The following CRACDL variants were observed in gnomAD, a reference collection of about 807,000 sequenced individuals.
CRACDL encodes CRACD like.
A neutral mutation model predicts 70.6 loss-of-function variants in CRACDL; 26 were observed. The observed-to-expected ratio is 0.37, with a 90% CI of 0.27 to 0.51. The LOEUF is 0.51. CRACDL is among the 20% of genes least tolerant of loss of function. The pLI is 0.94. For synonymous variants in CRACDL, 618 were observed against 615.2 expected (o/e 1.00, Z -0.07); for missense variants, 1,283 against 1,376.9 (o/e 0.93, Z 1.08).
At chr2:98,850,470 C>T (rs753407762) in intron 1 of CRACDL, among the ~76,000 whole-genome samples, 8 of 152,200 alleles carry the variant, frequency 5.3e-5, no homozygotes, top group Admixed American at 1.3e-4. Flanking sequence ...GTGGCAAATA[C>T]CCAATACCTC....
chr2:98,896,981 C>T (rs1457727025), intron 1 of CRACDL, among the ~76,000 whole-genome samples: 2 of 152,114 alleles, frequency 1.3e-5, no homozygotes, highest in African/African-American at 2.4e-5. Context: ...CACCATAAAT[C>T]GGCCTTGGGT....
intron 7 of CRACDL, among the ~76,000 whole-genome samples, chr2:98,805,300 C>T (rs1466662121): frequency 6.6e-6 from 1 of 152,044 alleles, no homozygotes; most frequent in African/African-American, 2.4e-5. Context: ...AATAACAAAA[C>T]CCCCCCTAAG....
At chr2:98,811,734 A>G (rs1456151129) in intron 7 of CRACDL, among the ~76,000 whole-genome samples, 3 of 151,938 alleles carry the variant, frequency 2.0e-5, no homozygotes, top group African/African-American at 7.2e-5. Flanking sequence ...CTACTGATCT[A>G]TTTGTTCTCT....
chr2:98,889,930 A>G (rs983852509), intron 1 of CRACDL, among the ~76,000 whole-genome samples: 1 of 152,236 alleles, frequency 6.6e-6, no homozygotes, highest in African/African-American at 2.4e-5. Flanking sequence ...AGAAGAAATC[A>G]TAAGAGAAGT....
intron 1 of CRACDL, among the ~76,000 whole-genome samples, chr2:98,920,845 C>A (rs1242967998): frequency 6.6e-6 from 1 of 152,222 alleles, no homozygotes; most frequent in African/African-American, 2.4e-5. Flanking sequence ...AGTCATCCTG[C>A]CTCATATCCA....
At chr2:98,875,698 G>T (rs915236575) in intron 1 of CRACDL, among the ~76,000 whole-genome samples, 6 of 152,226 alleles carry the variant, frequency 3.9e-5, no homozygotes, top group African/African-American at 1.4e-4. Flanking sequence ...ATGAATTACT[G>T]GGAAATAACC....
rs143423641 is a variant in CRACDL, at chr2:98,856,607, A to G, written c.-10-9797T>C. The stretch of plus-strand genomic sequence containing the variant: ...TTCTCATTTTTTTTATAGCTGATTC[A>G]AAAAGCAATGGCATAAAATGGTATT... On this transcript the variant is annotated intron_variant, in intron 1 of 9. Transcript: ENST00000397899. Among the ~76,000 whole-genome samples the G allele has an allele frequency of 6.5e-3, 987 of 152,334 alleles. 2 individuals carry two copies. The highest frequency in any genetic ancestry group is 0.011 in the Non-Finnish European group (728 of 68,018).
intron 1 of CRACDL, among the ~76,000 whole-genome samples, chr2:98,889,432 T>C (rs1310273235): frequency 1.3e-5 from 2 of 151,950 alleles, no homozygotes; most frequent in Non-Finnish European, 2.9e-5. Context: ...ACAGACAAAG[T>C]GGGAAATTGT....
At chr2:98,836,875 A>G (rs969862382) in intron 3 of CRACDL, among the ~76,000 whole-genome samples, 2 of 152,064 alleles carry the variant, frequency 1.3e-5, no homozygotes, top group Non-Finnish European at 2.9e-5. Context: ...GAGGTCAGGA[A>G]ATCGAGACCA....
intron 2 of CRACDL, among the ~76,000 whole-genome samples, chr2:98,842,412 CTTTG>C (rs1393111335): frequency 2.7e-5 from 4 of 150,738 alleles, no homozygotes; most frequent in Non-Finnish European, 1.5e-5. Context: ...CTAAAAATTC[CTTTG>C]TTTTTCAAAT....
At chr2:98,891,154 G>A (rs750235538) in intron 1 of CRACDL, among the ~76,000 whole-genome samples, 6 of 151,642 alleles carry the variant, frequency 4.0e-5, no homozygotes, top group East Asian at 1.9e-4. Context: ...CAAGGTGGGC[G>A]GATCACTTGA....
At chr2:98,881,057 C>G (rs1472529440) in intron 1 of CRACDL, among the ~76,000 whole-genome samples, 1 of 152,192 alleles carries the variant, frequency 6.6e-6, no homozygotes, top group African/African-American at 2.4e-5. Flanking sequence ...TCAGAGCCGA[C>G]ACGTCAGATG....
At chr2:98,848,411 C>T (rs115183092) in intron 1 of CRACDL, among the ~76,000 whole-genome samples, 6 of 152,196 alleles carry the variant, frequency 3.9e-5, no homozygotes, top group South Asian at 4.2e-4. Flanking sequence ...GGAAAACATA[C>T]GGTGTAAGGG....
intron 1 of CRACDL, among the ~76,000 whole-genome samples, chr2:98,935,592 T>C (rs563510997): frequency 1.6e-4 from 25 of 152,296 alleles, no homozygotes; most frequent in Admixed American, 1.4e-3. Context: ...CCTCGTATGC[T>C]AGCAATTTCA....
chr2:98,820,021 C>T (rs1389883381), intron 7 of CRACDL, among the ~76,000 whole-genome samples: 2 of 151,124 alleles, frequency 1.3e-5, no homozygotes, highest in Non-Finnish European at 3.0e-5. Flanking sequence ...GGTTTCACCA[C>T]GTTGGCCAGG....
At chr2:98,817,132 A>G (rs1704813658) in intron 7 of CRACDL, among the ~76,000 whole-genome samples, 1 of 152,246 alleles carries the variant, frequency 6.6e-6, no homozygotes, top group African/African-American at 2.4e-5. Context: ...TCACATTTCT[A>G]TGTGAAATCT....
intron 1 of CRACDL, among the ~76,000 whole-genome samples, chr2:98,886,327 T>C (rs1470340279): frequency 6.6e-6 from 1 of 152,204 alleles, no homozygotes; most frequent in Non-Finnish European, 1.5e-5. Flanking sequence ...CTGAAGACAA[T>C]TACCGGCAAA....
At chr2:98,925,765 T>C (rs1228907629) in intron 1 of CRACDL, among the ~76,000 whole-genome samples, 19 of 152,046 alleles carry the variant, frequency 1.2e-4, no homozygotes. Context: ...TTAAATAAGA[T>C]GAAAAAGGTG....
chr2:98,890,806 C>T (rs956755159), intron 1 of CRACDL, among the ~76,000 whole-genome samples: 2 of 152,196 alleles, frequency 1.3e-5, no homozygotes, highest in African/African-American at 4.8e-5. Flanking sequence ...CATGTAATCC[C>T]AGCACATTGG....
Sources: gnomAD v4.1 joint callset for allele counts (sites outside exome capture counted in the v4.1 genomes callset) on GRCh38, gnomAD v4.1.1 for gene constraint, MANE v1.5 for transcripts, NCBI Gene and HGNC (gene_info 2026-07-23, HGNC 2026-07-21) for gene names.